Variants in PPM1L observed in about 807,000 individuals in gnomAD.
The protein encoded by PPM1L is protein phosphatase, Mg2+/Mn2+ dependent 1L, also known as protein phosphatase 1L.
In PPM1L, 13 loss-of-function variants were observed where a neutral mutation model predicts 31.4. The observed-to-expected ratio is 0.41, with a 90% CI of 0.27 to 0.66. The LOEUF is 0.66. Ranked by LOEUF, PPM1L falls within the 30% of genes least tolerant of loss-of-function variation. The probability of loss-of-function intolerance (pLI) is 0.29; values close to 1 mark genes in which losing one functional copy is unlikely to be tolerated. For synonymous variants in PPM1L, 184 were observed against 175.4 expected, an observed-to-expected ratio of 1.05 and a Z score of -0.39; for missense variants, 326 against 453.7, an observed-to-expected ratio of 0.72 and a Z score of 2.56.
At chr3:160,950,182 T>A (rs1267647085) in intron 1 of PPM1L, among the ~76,000 whole-genome samples, 1 of 152,162 alleles carries the variant, frequency 6.6e-6, no homozygotes, top group Non-Finnish European at 1.5e-5. Context: ...GGGTGCCTTA[T>A]TGCTTGTCAA....
intron 1 of PPM1L, among the ~76,000 whole-genome samples, chr3:160,798,964 A>C (rs1712343675): frequency 6.6e-6 from 1 of 152,254 alleles, no homozygotes; most frequent in African/African-American, 2.4e-5. Context: ...TCCAACCTTC[A>C]TGGATGACCT....
At chr3:160,765,024 G>T (rs1715070020) in intron 1 of PPM1L, among the ~76,000 whole-genome samples, 1 of 152,196 alleles carries the variant, frequency 6.6e-6, no homozygotes, top group South Asian at 2.1e-4. Flanking sequence ...CACCATTATT[G>T]ATGGTAATAA....
intron 1 of PPM1L, among the ~76,000 whole-genome samples, chr3:160,816,469 A>G (rs1240449603): frequency 7.3e-6 from 1 of 136,566 alleles, no homozygotes; most frequent in African/African-American, 3.0e-5. Context: ...TTTAAGAAAG[A>G]CAGAGTCTGT....
At chr3:161,041,673 A>G (rs1347045711) in intron 2 of PPM1L, among the ~76,000 whole-genome samples, 1 of 152,088 alleles carries the variant, frequency 6.6e-6, no homozygotes, top group East Asian at 1.9e-4. Flanking sequence ...GTGTGAACCC[A>G]GGAGGCGGAG....
chr3:160,998,702 C>T (rs1717397716), intron 2 of PPM1L, among the ~76,000 whole-genome samples: 1 of 152,086 alleles, frequency 6.6e-6, no homozygotes, highest in Admixed American at 6.6e-5. Flanking sequence ...AAAGTCATTT[C>T]TTCAGTGTAA....
chr3:161,049,170 T>A (rs1719186540), intron 2 of PPM1L, among the ~76,000 whole-genome samples: 1 of 150,962 alleles, frequency 6.6e-6, no homozygotes, highest in African/African-American at 2.4e-5. Flanking sequence ...CCCAGCTACC[T>A]GGGAAGCTGG....
At chr3:160,766,316 A>G (rs1163241176) in intron 1 of PPM1L, among the ~76,000 whole-genome samples, 1 of 152,196 alleles carries the variant, frequency 6.6e-6, no homozygotes, top group Non-Finnish European at 1.5e-5. Flanking sequence ...CCCCACCGAA[A>G]TCTCATCTTG....
At chr3:161,063,949 C>T (rs538175768) in intron 2 of PPM1L, among the ~76,000 whole-genome samples, 2 of 152,124 alleles carry the variant, frequency 1.3e-5, no homozygotes, top group East Asian at 1.9e-4. Flanking sequence ...TGTTCTCACT[C>T]GTAAGTGGGA....
chr3:160,894,902 C>T (rs1713282264), intron 1 of PPM1L, among the ~76,000 whole-genome samples: 1 of 152,090 alleles, frequency 6.6e-6, no homozygotes, highest in South Asian at 2.1e-4. Context: ...TTTTACTTCA[C>T]TTTGTATAAA....
chr3:160,967,070 G>T (rs1035397472), intron 2 of PPM1L, among the ~76,000 whole-genome samples: 6 of 151,940 alleles, frequency 3.9e-5, no homozygotes, highest in African/African-American at 1.2e-4. Context: ...AATCATGGGG[G>T]TGGGTTTTTC....
At chr3:161,051,902 C>G (rs1203857363) in intron 2 of PPM1L, among the ~76,000 whole-genome samples, 1 of 152,158 alleles carries the variant, frequency 6.6e-6, no homozygotes, top group African/African-American at 2.4e-5. Context: ...CTGATTTTCT[C>G]AGGTTCTTTT....
chr3:160,808,421 GT>G (rs1712704903), intron 1 of PPM1L, among the ~76,000 whole-genome samples: 1 of 151,084 alleles, frequency 6.6e-6, no homozygotes, highest in Admixed American at 6.6e-5. Flanking sequence ...GTGTGTGTGT[GT>G]GGTGGGTGAG....
intron 2 of PPM1L, among the ~76,000 whole-genome samples, chr3:160,990,055 C>T (rs1717081590): frequency 6.6e-6 from 1 of 151,948 alleles, no homozygotes; most frequent in South Asian, 2.1e-4. Context: ...AATGCAGTGG[C>T]ATGAACACAG....
intron 2 of PPM1L, among the ~76,000 whole-genome samples, chr3:161,025,301 C>A (rs946918550): frequency 6.6e-6 from 1 of 151,954 alleles, no homozygotes; most frequent in Non-Finnish European, 1.5e-5. Context: ...CAGTGGCTTG[C>A]GCTTATAATC....
At chr3:160,843,429 TATATATATA>T in intron 1 of PPM1L, among the ~76,000 whole-genome samples, 1 of 42,500 alleles carries the variant, frequency 2.4e-5, no homozygotes, top group African/African-American at 1.1e-4. Flanking sequence ...AATTCTTTTA[TATATATATA>T]TATATATATA....
chr3:160,775,813 C>T (rs1711546327), intron 1 of PPM1L, among the ~76,000 whole-genome samples: 1 of 152,150 alleles, frequency 6.6e-6, no homozygotes, highest in African/African-American at 2.4e-5. Flanking sequence ...GTTTCCCTTC[C>T]CCAAACGATC....
intron 1 of PPM1L, among the ~76,000 whole-genome samples, chr3:160,785,662 A>G (rs971963219): frequency 2.0e-5 from 3 of 152,152 alleles, no homozygotes; most frequent in African/African-American, 7.2e-5. Flanking sequence ...CACTTCATGT[A>G]TTTAAGAGAT....
intron 2 of PPM1L, among the ~76,000 whole-genome samples, chr3:161,059,854 T>G (rs1245697798): frequency 2.0e-5 from 3 of 152,110 alleles, no homozygotes; most frequent in African/African-American, 7.2e-5. Context: ...CACTTCCTTC[T>G]GCTCCAGCTA....
intron 1 of PPM1L, among the ~76,000 whole-genome samples, chr3:160,931,106 C>T (rs1012332739): frequency 6.6e-6 from 1 of 152,168 alleles, no homozygotes; most frequent in African/African-American, 2.4e-5. Flanking sequence ...CTAATTAAGA[C>T]AGTAGGGGAC....
Sources: allele counts gnomAD v4.1 joint callset (sites outside exome capture counted in the v4.1 genomes callset), GRCh38; gene constraint gnomAD v4.1.1; transcripts MANE v1.5; gene names NCBI Gene and HGNC (gene_info 2026-07-23, HGNC 2026-07-21).